The following METTL5 variants were observed in gnomAD, a reference collection of about 807,000 sequenced individuals.
METTL5 encodes the protein rRNA N(6)-adenosine-methyltransferase METTL5.
In METTL5, 28 loss-of-function variants were observed where a neutral mutation model predicts 26.5. The ratio of observed to expected loss-of-function variants is 1.06; its 90% CI spans 0.78 to 1.45. The LOEUF is 1.45. METTL5 is among the 40% of genes most tolerant of loss of function. METTL5 has a pLI of 0.00. For missense variants in METTL5, 231 were observed against 249.9 expected, an observed-to-expected ratio of 0.92 and a Z score of 0.51; for synonymous variants, 86 against 82.6, an observed-to-expected ratio of 1.04 and a Z score of -0.22.
intron 5 of METTL5, among the ~76,000 whole-genome samples, chr2:169,814,348 G>A (rs950468086): frequency 2.6e-5 from 4 of 151,368 alleles, no homozygotes; most frequent in Admixed American, 1.3e-4. Flanking sequence ...TTAGCCGGGC[G>A]TGGTAGTGCA....
chr2:169,815,477 C>G lies in METTL5; in HGVS notation c.541G>C (p.Glu181Gln). 2 of 1,597,306 alleles carry G rather than the reference C, an allele frequency of 1.3e-6. No homozygotes were observed. Among genetic ancestry groups the G allele is most frequent in the Non-Finnish European group, 1.7e-6 (2 of 1,168,654 alleles). ...EWKIKIDIIA[E>Q]LRYDLPASYK... ...ATATTAGGATTGAGATTTGTCTTACCTGCTATAATATCTATCTTGATTTTC... is the reference window on the plus strand; with the variant it reads ...ATATTAGGATTGAGATTTGTCTTACGTGCTATAATATCTATCTTGATTTTC... Residue 181 changes from glutamate to glutamine, a missense_variant and splice_region_variant, in exon 5 of 7, where the codon GAA (glutamate) becomes CAA (glutamine). By Grantham distance (29) the Glu-to-Gln change is conservative. Transcript: ENST00000260953.
chr2:169,814,486 A>AAAAAAAAAAAG (rs1690082158), intron 5 of METTL5, among the ~76,000 whole-genome samples: 1 of 150,848 alleles, frequency 6.6e-6, no homozygotes, highest in Non-Finnish European at 1.5e-5. Flanking sequence ...AAAAAAGAAA[A>AAAAAAAAAAAG]AAGAAAATGA....
chr2:169,815,512 G>A lies in METTL5; in HGVS notation c.506C>T (p.Ala169Val), dbSNP rs771631373. The change falls in exon 5 of 7, where the codon GCT becomes GTT. Residue 169 changes from alanine to valine, a missense_variant. Physicochemically the swap from Ala to Val is moderately conservative, Grantham distance 64. Coordinates refer to ENST00000260953, the MANE Select transcript of METTL5 (RefSeq NM_014168.4). Reference sequence around the variant, plus strand: ...ATCTATCTTGATTTTCCATTCTGCAGCTTTCTTTTGAACATGCTGAACATA... The same window carrying A: ...ATCTATCTTGATTTTCCATTCTGCAACTTTCTTTTGAACATGCTGAACATA... ...SSTREHVQKK[A>V]AEWKIKIDII... The A allele has an allele frequency of 6.2e-6, 10 of 1,601,496 alleles. No homozygotes were observed. In the East Asian group the frequency reaches 2.2e-4, roughly 36 times the overall value.
At position 169,811,918 on chromosome 2, in the gene METTL5, T is replaced by C; in HGVS notation, c.592-60A>G. On this transcript the variant is annotated intron_variant, in intron 6 of 6. Transcript: ENST00000260953. ...TTGTCTTTTTGTTATGCAAATGAGA[T>C]TTCTTTGAATGTATTGTTCTGTTTG... 4.5e-6 allele frequency: 7 copies of C among 1,543,722 alleles called. No homozygotes were observed. In the South Asian group the frequency reaches 5.7e-5, roughly 13 times the overall value.
intron 3 of METTL5, 56 bp from the exon 4 acceptor site, chr2:169,819,699 G>C: frequency 1.6e-6 from 2 of 1,234,328 alleles, no homozygotes; most frequent in East Asian, 2.3e-5. Flanking sequence ...AGAAGATTAA[G>C]TTAGTAGGAT....
chr2:169,812,122 A>G, intron 6 of METTL5: 1 of 567,296 alleles, frequency 1.8e-6, no homozygotes, highest in Non-Finnish European at 3.0e-6. Flanking sequence ...GAACTAGAAT[A>G]TTAGCTATTG....
At chr2:169,819,435 A>G (rs1279730652) in intron 4 of METTL5, 126 bp downstream of exon 4, 1 of 612,436 alleles carries the variant, frequency 1.6e-6, no homozygotes, top group Non-Finnish European at 2.7e-6. Flanking sequence ...GGAAAATTTA[A>G]GTTTCACATG....
chr2:169,812,279 C>G, intron 6 of METTL5, 178 bp downstream of exon 6: 1 of 950,842 alleles, frequency 1.1e-6, no homozygotes, highest in Non-Finnish European at 1.6e-6. Flanking sequence ...TCACTCTTAT[C>G]GCGCAGGCTG....
At chr2:169,822,678 G>A (rs6711411) in intron 1 of METTL5, among the ~76,000 whole-genome samples, 147,605 of 151,952 alleles carry the variant, frequency 0.97, 71,817 homozygotes, top group East Asian at 1. Context: ...TGATCCTCCC[G>A]CCCCGGCTTT....
At chr2:169,819,493 CAA>C in intron 4 of METTL5, 66 bp downstream of exon 4, 1 of 1,252,520 alleles carries the variant, frequency 8.0e-7, no homozygotes, top group Non-Finnish European at 1.2e-6. Context: ...GTATTCACAG[CAA>C]ATCCTAAAAA....
chr2:169,820,921 G>C (rs1244941694), intron 3 of METTL5, among the ~76,000 whole-genome samples, 171 bp downstream of exon 3: 1 of 151,884 alleles, frequency 6.6e-6, no homozygotes, highest in Non-Finnish European at 1.5e-5. Flanking sequence ...GTAGAGGCAG[G>C]GTCTAACTAT....
At chr2:169,820,035 G>A (rs778782359) in intron 3 of METTL5, among the ~76,000 whole-genome samples, 4 of 151,310 alleles carry the variant, frequency 2.6e-5, no homozygotes, top group Non-Finnish European at 5.9e-5. Flanking sequence ...TCAGCTCACC[G>A]CAACCTCCGC....
intron 1 of METTL5, among the ~76,000 whole-genome samples, chr2:169,823,917 G>A (rs143500749): frequency 1.2e-4 from 18 of 152,292 alleles, no homozygotes; most frequent in Admixed American, 1.3e-4. Context: ...TGTACTCCCA[G>A]TATCAATATC....
At chr2:169,816,764 A>G (rs1298171321) in intron 4 of METTL5, among the ~76,000 whole-genome samples, 1 of 152,212 alleles carries the variant, frequency 6.6e-6, no homozygotes, top group Non-Finnish European at 1.5e-5. Flanking sequence ...CTGAAACTGG[A>G]TCCGTTCCTT....
intron 5 of METTL5, among the ~76,000 whole-genome samples, chr2:169,815,101 C>T (rs1327596926): frequency 1.3e-5 from 2 of 151,862 alleles, no homozygotes; most frequent in Admixed American, 1.3e-4. Context: ...CCATGTTGGC[C>T]AGGCTGGTCT....
At chr2:169,813,330 TA>T (rs1288507954) in intron 5 of METTL5, among the ~76,000 whole-genome samples, 1 of 151,466 alleles carries the variant, frequency 6.6e-6, no homozygotes, top group African/African-American at 2.4e-5. Context: ...AGGGTTTCAC[TA>T]TGTTAGCCAG....
At chr2:169,819,912 T>C (rs995680420) in intron 3 of METTL5, among the ~76,000 whole-genome samples, 2 of 152,066 alleles carry the variant, frequency 1.3e-5, no homozygotes, top group African/African-American at 2.4e-5. Flanking sequence ...AGGAAATGCA[T>C]AGAGTACTAT....
chr2:169,815,539 ATAAT>A lies in METTL5; in HGVS notation c.490-15_490-12del, dbSNP rs770805890. On this transcript the variant is annotated splice_polypyrimidine_tract_variant and intron_variant, in intron 4 of 6. Transcript: ENST00000260953. ...TTTCTTTTGAACATGCTGAACATAA[ATAAT>A]ATGTTGTTATGAGCTGATTTTTAAA... 1.3e-6 allele frequency: 2 copies of A among 1,579,986 alleles called. No homozygotes were observed. Among genetic ancestry groups the A allele is most frequent in the Admixed American group, 1.7e-5 (1 of 58,008 alleles).
At chr2:169,823,130 T>C (rs2081607187) in intron 1 of METTL5, among the ~76,000 whole-genome samples, 1 of 152,000 alleles carries the variant, frequency 6.6e-6, no homozygotes, top group Admixed American at 6.6e-5. Context: ...TATAGGCACA[T>C]ACTACCACAC....
Sources: allele counts gnomAD v4.1 joint callset (sites outside exome capture counted in the v4.1 genomes callset), GRCh38; gene constraint gnomAD v4.1.1; transcripts MANE v1.5; gene names NCBI Gene and HGNC (gene_info 2026-07-23, HGNC 2026-07-21).